Variants in C12orf42 observed in about 807,000 individuals in gnomAD.
C12orf42 encodes chromosome 12 open reading frame 42.
A neutral mutation model predicts 21.6 loss-of-function variants in C12orf42; 25 were observed. That is an observed-to-expected ratio of 1.16 (90% CI 0.84 to 1.62). The LOEUF (loss-of-function observed/expected upper bound fraction) is 1.62. Among genes scored for constraint, C12orf42 ranks in the 40% most tolerant of loss-of-function variants. C12orf42 has a pLI of 0.00. For missense variants in C12orf42, 483 were observed against 459.3 expected, an observed-to-expected ratio of 1.05 and a Z score of -0.47; for synonymous variants, 174 against 175.0, an observed-to-expected ratio of 0.99 and a Z score of 0.05.
At chr12:103,210,003 C>T in the C12orf42 span, among the ~76,000 whole-genome samples, 2 of 152,036 alleles carry the variant, frequency 1.3e-5, no homozygotes, top group Admixed American at 6.6e-5. Flanking sequence ...TGTTCTCAGT[C>T]CACTCTTTAA....
At chr12:103,538,775 C>T in the C12orf42 span, among the ~76,000 whole-genome samples, 1 of 152,164 alleles carries the variant, frequency 6.6e-6, no homozygotes, top group Admixed American at 6.5e-5. Flanking sequence ...CCTCCAAGTC[C>T]CTGTATTATA....
At chr12:103,141,529 CTTTTT>C in the C12orf42 span, among the ~76,000 whole-genome samples, 2 of 125,804 alleles carry the variant, frequency 1.6e-5, no homozygotes, top group Non-Finnish European at 3.4e-5. Flanking sequence ...AATAATAACA[CTTTTT>C]TTTTTTTTTT....
Position 103,382,333 on chromosome 12 carries a change from C to T in C12orf42, c.148-13335G>A, listed in dbSNP as rs117762134. 6.8e-3 allele frequency among the ~76,000 whole-genome samples: 1,040 copies of T among 152,220 alleles called. 6 individuals carry two copies. The highest frequency in any genetic ancestry group is 0.011 in the Non-Finnish European group (723 of 68,014). Reference sequence around the variant, plus strand: ...AAATGTCCACGTCAGCATTGTAGAACCATGTTAGATTATTAGGACTTTGGA... The same window carrying T: ...AAATGTCCACGTCAGCATTGTAGAATCATGTTAGATTATTAGGACTTTGGA... On this transcript the variant is annotated intron_variant, in intron 3 of 5. Transcript: ENST00000548883.
At chr12:103,109,700 A>G in the C12orf42 span, among the ~76,000 whole-genome samples, 8 of 151,222 alleles carry the variant, frequency 5.3e-5, no homozygotes, top group African/African-American at 1.7e-4. Context: ...ATGGCACTAC[A>G]TTAAAATTTA....
the C12orf42 span, among the ~76,000 whole-genome samples, chr12:103,131,994 C>A: frequency 6.6e-6 from 1 of 152,052 alleles, no homozygotes; most frequent in Non-Finnish European, 1.5e-5. Context: ...GTGAGTTATA[C>A]TGAGAAAGTC....
At chr12:103,057,256 C>T in the C12orf42 span, among the ~76,000 whole-genome samples, 2 of 151,040 alleles carry the variant, frequency 1.3e-5, no homozygotes, top group African/African-American at 2.4e-5. Context: ...CATAGCTATA[C>T]GTGTGCCATG....
the C12orf42 span, among the ~76,000 whole-genome samples, chr12:103,216,990 G>A: frequency 3.3e-5 from 5 of 151,844 alleles, no homozygotes; most frequent in African/African-American, 9.7e-5. Context: ...ATACAGGCAC[G>A]CACCACCACC....
the C12orf42 span, among the ~76,000 whole-genome samples, chr12:103,186,598 T>G: frequency 0.36 from 54,964 of 152,004 alleles, 10,573 homozygotes; most frequent in South Asian, 0.44. Context: ...TTGTTGATTG[T>G]TTTTTTAATT....
chr12:103,517,661 G>A, the C12orf42 span, among the ~76,000 whole-genome samples: 1 of 151,822 alleles, frequency 6.6e-6, no homozygotes, highest in African/African-American at 2.4e-5. Context: ...GAAGTGTATT[G>A]CCTTGAGCTA....
Position 103,478,430 on chromosome 12 carries a change from T to G in C12orf42, c.-4A>C, listed in dbSNP as rs780206624. The G allele has an allele frequency of 5.8e-6, 9 of 1,560,574 alleles. No individual in the cohort carries two copies. Among genetic ancestry groups the G allele is most frequent in the Non-Finnish European group, 7.9e-6 (9 of 1,143,492 alleles). On this transcript the variant is annotated 5_prime_UTR_variant, in exon 2 of 6. Transcript: ENST00000548883. ...TCATACATATCACTGTAGACATTAA[T>G]TTGACAAGTTCAACTCCCTATAAAC...
At chr12:103,201,016 G>T in the C12orf42 span, among the ~76,000 whole-genome samples, 1 of 152,188 alleles carries the variant, frequency 6.6e-6, no homozygotes, top group Non-Finnish European at 1.5e-5. Flanking sequence ...GCAAAAAGTT[G>T]TCAAGGTGCT....
chr12:103,076,047 A>G, the C12orf42 span, among the ~76,000 whole-genome samples: 1 of 152,074 alleles, frequency 6.6e-6, no homozygotes, highest in Non-Finnish European at 1.5e-5. Flanking sequence ...ATTTGTCTTT[A>G]AGAAATCAAT....
At chr12:103,383,795 T>C (rs1398807398) in intron 3 of C12orf42, among the ~76,000 whole-genome samples, 2 of 152,226 alleles carry the variant, frequency 1.3e-5, no homozygotes, top group Non-Finnish European at 2.9e-5. Flanking sequence ...CAAAGTATTT[T>C]GAAAAACTGT....
the C12orf42 span, among the ~76,000 whole-genome samples, chr12:103,193,758 A>G: frequency 2.0e-5 from 3 of 152,134 alleles, no homozygotes; most frequent in African/African-American, 7.2e-5. Context: ...AATTCTACCA[A>G]AGATTTTTTA....
the C12orf42 span, among the ~76,000 whole-genome samples, chr12:103,114,599 G>T: frequency 6.6e-6 from 1 of 152,178 alleles, no homozygotes; most frequent in Non-Finnish European, 1.5e-5. Context: ...ATGTGGGCAA[G>T]TTAGTTACCT....
chr12:103,329,605 T>A (rs1241267546), intron 4 of C12orf42, among the ~76,000 whole-genome samples: 3 of 147,764 alleles, frequency 2.0e-5, no homozygotes, highest in Non-Finnish European at 4.5e-5. Flanking sequence ...GAATATGGAC[T>A]CGGGCCTGCT....
At chr12:103,241,269 C>T (rs1444603482) in intron 10 of C12orf42, among the ~76,000 whole-genome samples, 9 of 151,958 alleles carry the variant, frequency 5.9e-5, no homozygotes, top group Admixed American at 5.3e-4. Flanking sequence ...CACCCCATAA[C>T]AGCATACAGC....
chr12:103,298,347 C>T (rs1171299515), downstream of C12orf42, among the ~76,000 whole-genome samples: 1 of 152,170 alleles, frequency 6.6e-6, no homozygotes, highest in Non-Finnish European at 1.5e-5. Flanking sequence ...AGTGAACTCC[C>T]ATTCGCAATT....
At chr12:103,428,762 T>A (rs1025281193) in intron 2 of C12orf42, among the ~76,000 whole-genome samples, 1 of 152,154 alleles carries the variant, frequency 6.6e-6, no homozygotes, top group African/African-American at 2.4e-5. Context: ...TCAAAAAGCT[T>A]ATCCACCGTG....
Sources: gnomAD v4.1 joint callset for allele counts (sites outside exome capture counted in the v4.1 genomes callset) on GRCh38, gnomAD v4.1.1 for gene constraint, MANE v1.5 for transcripts, NCBI Gene and HGNC (gene_info 2026-07-23, HGNC 2026-07-21) for gene names.